Variants in ANKRD6 observed in about 807,000 individuals in gnomAD.
ANKRD6 encodes ankyrin repeat domain-containing protein 6.
A neutral mutation model predicts 82.3 loss-of-function variants in ANKRD6; 56 were observed. The ratio of observed to expected loss-of-function variants is 0.68; its 90% confidence interval spans 0.55 to 0.85. The LOEUF (loss-of-function observed/expected upper bound fraction) is 0.85. Among genes scored for constraint, ANKRD6 ranks in the 40% least tolerant of loss-of-function variants. The probability of loss-of-function intolerance (pLI) is 0.00; values close to 1 mark genes in which losing one functional copy is unlikely to be tolerated. For synonymous variants in ANKRD6, 347 were observed against 352.1 expected (o/e 0.99, Z 0.16); for missense variants, 852 against 907.6 (o/e 0.94, Z 0.79).
At chr6:89,623,007 TG>T (rs1387864123) in intron 10 of ANKRD6, among the ~76,000 whole-genome samples, 1 of 2,640 alleles carries the variant, frequency 3.8e-4, no homozygotes, top group Non-Finnish European at 8.9e-4. Flanking sequence ...TGGGTTGGGG[TG>T]GGGGAGTGGG....
chr6:89,446,402 C>T (rs1304226334), intron 1 of ANKRD6, among the ~76,000 whole-genome samples: 1 of 151,888 alleles, frequency 6.6e-6, no homozygotes, highest in Non-Finnish European at 1.5e-5. Context: ...TTAATAATCC[C>T]ACAATGGCCT....
chr6:89,619,510 G>A (rs1802452035), intron 9 of ANKRD6: 1 of 152,074 alleles, frequency 6.6e-6, no homozygotes, highest in African/African-American at 2.4e-5. Context: ...TCACTTAAAG[G>A]GCAAAGAGCC....
At chr6:89,604,991 G>A (rs1019668684) in intron 4 of ANKRD6, among the ~76,000 whole-genome samples, 2 of 113,734 alleles carry the variant, frequency 1.8e-5, no homozygotes, top group African/African-American at 3.3e-5. Context: ...CTGCCTTCCC[G>A]CCCCCACCCC....
chr6:89,455,546 G>A (rs1338835036), intron 1 of ANKRD6, among the ~76,000 whole-genome samples: 1 of 152,166 alleles, frequency 6.6e-6, no homozygotes, highest in East Asian at 1.9e-4. Flanking sequence ...TGTTGGAGGT[G>A]GGGCTGGGTG....
chr6:89,577,045 A>G (rs571066954), intron 2 of ANKRD6, among the ~76,000 whole-genome samples: 1 of 152,056 alleles, frequency 6.6e-6, no homozygotes, highest in East Asian at 1.9e-4. Context: ...ATGAGCCACC[A>G]TGCCCAGCCT....
intron 1 of ANKRD6, among the ~76,000 whole-genome samples, chr6:89,445,264 CT>C (rs1227274602): frequency 0.22 from 13,875 of 64,226 alleles, 382 homozygotes; most frequent in Non-Finnish European, 0.23. Flanking sequence ...AGAGATCTTT[CT>C]TTTTTTTTTT....
chr6:89,624,137 A>T (rs2128261020), intron 12 of ANKRD6, 80 bp downstream of exon 12: 2 of 1,437,648 alleles, frequency 1.4e-6, no homozygotes, highest in East Asian at 4.9e-5. Flanking sequence ...CTGGGGGCTG[A>T]TAGGCACTTT....
At chr6:89,472,977 A>T (rs540010663) in intron 1 of ANKRD6, among the ~76,000 whole-genome samples, 1 of 152,026 alleles carries the variant, frequency 6.6e-6, no homozygotes, top group South Asian at 2.1e-4. Flanking sequence ...AGATTATTAG[A>T]TTTTTTTTCC....
At chr6:89,451,491 T>G (rs1014621599) in intron 1 of ANKRD6, among the ~76,000 whole-genome samples, 1 of 152,202 alleles carries the variant, frequency 6.6e-6, no homozygotes, top group African/African-American at 2.4e-5. Context: ...GTGACAGGTC[T>G]AATTTCTCTC....
chr6:89,448,084 C>T (rs1772331350), intron 1 of ANKRD6, among the ~76,000 whole-genome samples: 1 of 152,192 alleles, frequency 6.6e-6, no homozygotes, highest in East Asian at 1.9e-4. Context: ...CAACTGATGA[C>T]TTTAGTTGAA....
rs989617278 is a variant in ANKRD6, at chr6:89,606,211, T to A, written c.417+106T>A. The A allele has an allele frequency of 1.7e-5, 15 of 875,652 alleles. No individual in the cohort carries two copies. The African/African-American group carries it at 2.3e-4, about 14-fold the overall frequency. The allele number at this position is 875,652 out of a possible 1,614,324, so 54.2% of individuals were successfully genotyped here. On this transcript the variant is annotated intron_variant, in intron 5 of 15. Transcript: ENST00000339746. ...CAGTGAGAAGAGTGAGAGCCCAGAG[T>A]GGCACGAGGAACCTGAAGGTCCATT...
rs1320109948 is a variant in ANKRD6, at chr6:89,633,283, T to TAAG, written c.*2281_*2283dup. On this transcript the variant is annotated 3_prime_UTR_variant, in exon 16 of 16. Transcript: ENST00000339746. ...CTCACCCAGAGATGGCAACATCTAT[T>TAAG]AAGACCAATGCAATACCTTTTCATC... 5.9e-5 allele frequency: 9 copies of TAAG among 152,246 alleles called. No individual in the cohort carries two copies. The highest frequency in any genetic ancestry group is 2.2e-4 in the African/African-American group (9 of 41,456). The allele number at this position is 152,246 out of a possible 1,614,324, so 9.4% of individuals were successfully genotyped here.
chr6:89,545,998 G>A (rs773539198), intron 1 of ANKRD6, among the ~76,000 whole-genome samples: 7 of 152,086 alleles, frequency 4.6e-5, no homozygotes, highest in South Asian at 2.1e-4. Flanking sequence ...TAGTAGAGAC[G>A]GGGTTTCACC....
At chr6:89,589,570 G>A (rs1794470653) in intron 2 of ANKRD6, among the ~76,000 whole-genome samples, 1 of 152,240 alleles carries the variant, frequency 6.6e-6, no homozygotes, top group South Asian at 2.1e-4. Flanking sequence ...TCTCCTGGAA[G>A]ATTCCCACTC....
chr6:89,487,068 C>T (rs1379951827), intron 1 of ANKRD6, among the ~76,000 whole-genome samples: 1 of 152,180 alleles, frequency 6.6e-6, no homozygotes, highest in Non-Finnish European at 1.5e-5. Flanking sequence ...GAGTTGGACC[C>T]TGTGGGTTCA....
chr6:89,506,653 C>T (rs902251202), intron 1 of ANKRD6, among the ~76,000 whole-genome samples: 3 of 152,216 alleles, frequency 2.0e-5, no homozygotes, highest in South Asian at 2.1e-4. Flanking sequence ...TATACCTCAA[C>T]GAAGCTGGAC....
chr6:89,632,690 C>T lies in ANKRD6; in HGVS notation c.*1686C>T, dbSNP rs577270007. 3 of 152,310 alleles carry T rather than the reference C, an allele frequency of 2.0e-5. No individual in the cohort carries two copies. Among genetic ancestry groups the T allele is most frequent in the African/African-American group, 7.2e-5 (3 of 41,566 alleles). 9.4% of individuals were successfully genotyped at this position (152,310 alleles called of 1,614,324 possible). A position where few individuals can be genotyped will look rare whatever the true frequency, so the allele number is the denominator to read the frequency against. ...GCTTGTCTTGTTCTCAACTACTACG[C>T]AGGTAGACAGTCTTCCCCCAGAGAC... On this transcript the variant is annotated 3_prime_UTR_variant, in exon 16 of 16. Transcript: ENST00000339746.
At chr6:89,608,420 T>C (rs1799382441) in intron 5 of ANKRD6, among the ~76,000 whole-genome samples, 1 of 141,378 alleles carries the variant, frequency 7.1e-6, no homozygotes, top group South Asian at 2.4e-4. Context: ...TCTGAAACCA[T>C]AGTATCTCTA....
At chr6:89,562,153 C>A (rs369381441) in intron 1 of ANKRD6, among the ~76,000 whole-genome samples, 7 of 152,326 alleles carry the variant, frequency 4.6e-5, no homozygotes, top group Admixed American at 3.3e-4. Flanking sequence ...CACACGCTTA[C>A]AAGTTTAGGG....
Sources: gnomAD v4.1 joint callset for allele counts (sites outside exome capture counted in the v4.1 genomes callset) on GRCh38, gnomAD v4.1.1 for gene constraint, MANE v1.5 for transcripts, NCBI Gene and HGNC (gene_info 2026-07-23, HGNC 2026-07-21) for gene names.